The following GYG2 variants were observed in gnomAD, a reference collection of about 807,000 sequenced individuals.
GYG2 encodes the protein glycogenin 2, also known as glycogenin-2.
Under a neutral mutation model 29.4 loss-of-function variants are expected in GYG2, and 29 were observed. The observed-to-expected ratio is 0.99, with a 90% CI of 0.74 to 1.35. The LOEUF is 1.35. Ranked by LOEUF, GYG2 falls within the 40% of genes most tolerant of loss-of-function variation. The pLI, the probability that GYG2 is intolerant of heterozygous loss-of-function variation, is 0.00. For missense variants in GYG2, 370 were observed against 385.7 expected (o/e 0.96, Z 0.34); for synonymous variants, 167 against 172.3 (o/e 0.97, Z 0.24).
intron 3 of GYG2, among the ~76,000 whole-genome samples, chrX:2,846,073 T>A (rs868675161): frequency 0.029 from 1,174 of 40,942 alleles, 28 homozygotes; most frequent in African/African-American, 0.045. Flanking sequence ...TTTTTTTTTT[T>A]TTTTTTTTTT....
chrX:2,848,656 G>A (rs753179799), intron 3 of GYG2, among the ~76,000 whole-genome samples: 1 of 111,623 alleles, frequency 9.0e-6, no homozygotes, highest in East Asian at 2.8e-4. Context: ...GCCGGCGGGG[G>A]CGACGGGGTA....
intron 7 of GYG2, among the ~76,000 whole-genome samples, chrX:2,860,582 A>G (rs941038445): frequency 9.2e-6 from 1 of 108,757 alleles, no homozygotes; most frequent in African/African-American, 3.3e-5. Context: ...TCTTGCAATT[A>G]GGACTCAGGA....
At chrX:2,874,782 T>A (rs1244630860) in intron 8 of GYG2, among the ~76,000 whole-genome samples, 1 of 111,820 alleles carries the variant, frequency 8.9e-6, no homozygotes, top group African/African-American at 3.2e-5. Flanking sequence ...GTGACTGATC[T>A]CCACCCCAGC....
intron 3 of GYG2, among the ~76,000 whole-genome samples, chrX:2,847,464 G>A (rs139084588): frequency 8.8e-4 from 93 of 105,194 alleles, no homozygotes; most frequent in African/African-American, 3.1e-3. Flanking sequence ...TGAAGCAGGT[G>A]GATCACTTGA....
chrX:2,863,219 T>A (rs7057853), intron 8 of GYG2, among the ~76,000 whole-genome samples: 1 of 107,828 alleles, frequency 9.3e-6, no homozygotes, highest in East Asian at 3.0e-4. Context: ...GGACTGCAGG[T>A]GCCCGCCACC....
chrX:2,869,546 C>T (rs2088403538), intron 8 of GYG2, among the ~76,000 whole-genome samples: 2 of 112,325 alleles, frequency 1.8e-5, no homozygotes, highest in South Asian at 3.7e-4. Flanking sequence ...TTTCATAAAT[C>T]GCAATAATGT....
In GYG2 at chrX:2,867,818, G is replaced by A. The variant is rs372832414; in HGVS notation, c.1038+6096G>A. Among the ~76,000 whole-genome samples the A allele has an allele frequency of 3.6e-5, 4 of 112,472 alleles. No homozygotes were observed. In the East Asian group the frequency reaches 8.4e-4, roughly 24 times the overall value. On this transcript the variant is annotated intron_variant, in intron 8 of 10. Coordinates refer to ENST00000398806, the MANE Select transcript of GYG2 (RefSeq NM_001079855.2). ...TTAAGTCAAAAATGCATTTAGACCAGGTGCAGTGGCTCACGTCTGTAATCC... is the reference window on the plus strand; with the variant it reads ...TTAAGTCAAAAATGCATTTAGACCAAGTGCAGTGGCTCACGTCTGTAATCC...
At chrX:2,848,033 G>C (rs1023593235) in intron 3 of GYG2, among the ~76,000 whole-genome samples, 1 of 112,178 alleles carries the variant, frequency 8.9e-6, no homozygotes, top group Non-Finnish European at 1.9e-5. Flanking sequence ...AATTAAACAA[G>C]ATGGAAGAGG....
intron 3 of GYG2, among the ~76,000 whole-genome samples, chrX:2,850,439 C>T (rs2087843471): frequency 9.0e-6 from 1 of 111,612 alleles, no homozygotes; most frequent in Non-Finnish European, 1.9e-5. Context: ...AAGATGTGTA[C>T]AAGTTTCAGA....
Position 2,881,150 on chromosome X carries a change from C to T in GYG2, c.1350C>T (p.Ile450=). The change falls in exon 11 of 11, where the codon ATC becomes ATT. Residue 450 remains isoleucine (I), a synonymous_variant. Transcript: ENST00000398806. The part of the protein sequence containing the change: ...EERRKWEEGR[I]DYMGKDAFAR... ...GGAGGAAGTGGGAGGAAGGCCGTAT[C>T]GACTACATGGGGAAGGACGCGTTTG... is the stretch of plus-strand genomic sequence containing the variant. The T allele has an allele frequency of 1.7e-6, 2 of 1,206,662 alleles. No individual in the cohort carries two copies. The highest frequency in any genetic ancestry group is 2.2e-6 in the Non-Finnish European group (2 of 892,767).
intron 9 of GYG2, 113 bp from the exon 10 acceptor site, chrX:2,877,087 C>A: frequency 9.6e-7 from 1 of 1,043,823 alleles, no homozygotes; most frequent in Non-Finnish European, 1.3e-6. Context: ...CTGGCCTCAA[C>A]CCAATAATTT....
Position 2,830,142 on chromosome X carries a change from G to A in GYG2, c.-47G>A. ...CGAGGAAGTCCACCCACTGCTCCCG[G>A]GCGCAGGTCTGCAGGTCCGCGCCCA... On this transcript the variant is annotated 5_prime_UTR_variant, in exon 2 of 11. Transcript: ENST00000398806. 1 of 1,195,076 alleles carries A rather than the reference G, an allele frequency of 8.4e-7. No homozygotes were observed. Among genetic ancestry groups the A allele is most frequent in the Non-Finnish European group, 1.1e-6 (1 of 880,446 alleles).
chrX:2,857,242 A>G (rs763039494), intron 6 of GYG2, among the ~76,000 whole-genome samples: 2 of 105,773 alleles, frequency 1.9e-5, no homozygotes, highest in South Asian at 4.4e-4. Context: ...TCTATCATCT[A>G]TCATATGTAT....
chrX:2,858,895 C>A (rs887846051), intron 6 of GYG2, among the ~76,000 whole-genome samples: 3 of 111,488 alleles, frequency 2.7e-5, no homozygotes, highest in African/African-American at 9.8e-5. Flanking sequence ...AAGCCAATTG[C>A]CTTGCCGCTT....
intron 2 of GYG2, among the ~76,000 whole-genome samples, chrX:2,840,117 G>A (rs2087462362): frequency 8.9e-6 from 1 of 112,489 alleles, no homozygotes; most frequent in South Asian, 3.6e-4. Flanking sequence ...TAGGTGTGGG[G>A]ATACCCATTA....
intron 8 of GYG2, among the ~76,000 whole-genome samples, chrX:2,864,626 T>TGAA (rs1442390337): frequency 8.9e-6 from 1 of 111,767 alleles, no homozygotes; most frequent in East Asian, 2.8e-4. Flanking sequence ...TCCGGTTGCG[T>TGAA]AATTTTAATC....
In GYG2 at chrX:2,875,843, G is replaced by A. The variant is rs201655808; in HGVS notation, c.1072G>A (p.Val358Met). ...IACPETETPAVITCDPLSQPS... is the reference protein window; with the variant it reads ...IACPETETPAMITCDPLSQPS... ...TTGTCCTGAAACTGAGACTCCTGCC[G>A]TGATAACGTGTGACCCACTGTCCCA... is the stretch of plus-strand genomic sequence containing the variant. The change falls in exon 9 of 11, where the codon GTG (valine) becomes ATG (methionine). Residue 358 changes from valine to methionine, a missense_variant. By Grantham distance (21) the Val-to-Met change is conservative. Transcript: ENST00000398806. 4 of 1,193,509 alleles carry A rather than the reference G, an allele frequency of 3.4e-6. No homozygotes were observed. The highest frequency in any genetic ancestry group is 2.2e-5 in the Admixed American group (1 of 45,362).
chrX:2,870,134 T>G lies in GYG2; in HGVS notation c.1039-5676T>G, dbSNP rs920805795. On this transcript the variant is annotated intron_variant, in intron 8 of 10. Coordinates refer to ENST00000398806, the MANE Select transcript of GYG2 (RefSeq NM_001079855.2). ...TTTTTAAGCTATCAAGTTTTTTTAC[T>G]CTTTTTGTAGTGCATCTTATTTTAT... Among the ~76,000 whole-genome samples the G allele has an allele frequency of 1.1e-4, 12 of 110,536 alleles. No homozygotes were observed. The Admixed American group carries it at 1.2e-3, about 11-fold the overall frequency.
At chrX:2,869,498 T>C (rs2147252542) in intron 8 of GYG2, among the ~76,000 whole-genome samples, 1 of 112,105 alleles carries the variant, frequency 8.9e-6, no homozygotes, top group Admixed American at 9.5e-5. Context: ...GTTTTTTATT[T>C]AGGGGAGCTG....
Sources: gnomAD v4.1 joint callset for allele counts (sites outside exome capture counted in the v4.1 genomes callset) on GRCh38, gnomAD v4.1.1 for gene constraint, MANE v1.5 for transcripts, NCBI Gene and HGNC (gene_info 2026-07-23, HGNC 2026-07-21) for gene names.